Variants in PABPC4L observed in about 807,000 individuals in gnomAD.
PABPC4L encodes the protein poly(A) binding protein cytoplasmic 4 like.
For synonymous variants in PABPC4L, 169 were observed against 164.1 expected, an observed-to-expected ratio of 1.03 and a Z score of -0.23; for missense variants, 452 against 451.4, an observed-to-expected ratio of 1.00 and a Z score of -0.01.
the PABPC4L span, among the ~76,000 whole-genome samples, chr4:134,118,448 GAT>G: frequency 6.6e-6 from 1 of 151,740 alleles, no homozygotes; most frequent in African/African-American, 2.4e-5. Flanking sequence ...TTTTATAAAT[GAT>G]ATTTTATGAT....
At chr4:134,006,327 A>T in the PABPC4L span, among the ~76,000 whole-genome samples, 1 of 151,892 alleles carries the variant, frequency 6.6e-6, no homozygotes, top group Non-Finnish European at 1.5e-5. Flanking sequence ...AAACCCACTA[A>T]AAAGGGAACA....
chr4:134,021,932 C>A, the PABPC4L span, among the ~76,000 whole-genome samples: 1 of 152,098 alleles, frequency 6.6e-6, no homozygotes, highest in Admixed American at 6.6e-5. Flanking sequence ...ATAAGCTAGA[C>A]TTTCCTTGCC....
the PABPC4L span, among the ~76,000 whole-genome samples, chr4:133,991,195 G>A: frequency 6.6e-6 from 1 of 152,070 alleles, no homozygotes; most frequent in African/African-American, 2.4e-5. Context: ...CAGGAGCGGG[G>A]GTCTATCCAA....
At chr4:134,044,417 C>T in the PABPC4L span, among the ~76,000 whole-genome samples, 1 of 152,162 alleles carries the variant, frequency 6.6e-6, no homozygotes, top group East Asian at 1.9e-4. Flanking sequence ...GCATCCGCCA[C>T]CACGCCTGGC....
At chr4:133,971,418 C>A in the PABPC4L span, among the ~76,000 whole-genome samples, 1 of 152,010 alleles carries the variant, frequency 6.6e-6, no homozygotes, top group Non-Finnish European at 1.5e-5. Context: ...GCCTTAAATT[C>A]TTTAATATTA....
At chr4:134,067,654 G>C in the PABPC4L span, among the ~76,000 whole-genome samples, 1 of 152,014 alleles carries the variant, frequency 6.6e-6, no homozygotes, top group Non-Finnish European at 1.5e-5. Context: ...ACTTTTTGAT[G>C]TGTGCATTAA....
the PABPC4L span, among the ~76,000 whole-genome samples, chr4:134,122,650 G>A: frequency 2.6e-5 from 4 of 151,694 alleles, no homozygotes; most frequent in Admixed American, 2.0e-4. Flanking sequence ...AAACAAACTT[G>A]ATAGCATTAG....
At chr4:134,165,066 C>G in the PABPC4L span, among the ~76,000 whole-genome samples, 1 of 152,090 alleles carries the variant, frequency 6.6e-6, no homozygotes, top group Admixed American at 6.6e-5. Context: ...GCCAGGAAAA[C>G]TGGGTAGCAG....
chr4:134,014,860 A>G, the PABPC4L span, among the ~76,000 whole-genome samples: 1 of 150,666 alleles, frequency 6.6e-6, no homozygotes, highest in African/African-American at 2.4e-5. Context: ...AAACTCCCCA[A>G]CTCTGGTGCC....
At chr4:134,078,651 C>CTT in the PABPC4L span, among the ~76,000 whole-genome samples, 3 of 115,898 alleles carry the variant, frequency 2.6e-5, no homozygotes, top group Admixed American at 8.9e-5. Flanking sequence ...AGTTTTGTAG[C>CTT]TTTTTTTTTT....
the PABPC4L span, among the ~76,000 whole-genome samples, chr4:134,009,769 T>C: frequency 6.6e-6 from 1 of 152,066 alleles, no homozygotes; most frequent in Admixed American, 6.6e-5. Context: ...CAAAAAATCC[T>C]GAATCTTTGC....
At chr4:134,116,074 A>G in the PABPC4L span, among the ~76,000 whole-genome samples, 1 of 151,856 alleles carries the variant, frequency 6.6e-6, no homozygotes, top group Admixed American at 6.6e-5. Flanking sequence ...CTGCTCATAT[A>G]GAGAGGGTCC....
the PABPC4L span, among the ~76,000 whole-genome samples, chr4:134,078,652 T>A: frequency 2.0e-3 from 12 of 5,934 alleles, no homozygotes; most frequent in African/African-American, 0.027. Context: ...GTTTTGTAGC[T>A]TTTTTTTTTT....
chr4:134,201,214 C>G lies in PABPC4L; in HGVS notation c.-195G>C, dbSNP rs1397677056. ...CTCATCCAAAAGTCCCCACAGCCACCAATCTGGCCCTCCTAGGACGCGGCA... is the reference window on the plus strand; with the variant it reads ...CTCATCCAAAAGTCCCCACAGCCACGAATCTGGCCCTCCTAGGACGCGGCA... On this transcript the variant is annotated 5_prime_UTR_variant, in exon 2 of 2. Coordinates refer to ENST00000421491, the MANE Select transcript of PABPC4L (RefSeq NM_001114734.2). 6.5e-7 allele frequency: 1 copy of G among 1,543,708 alleles called. No individual in the cohort carries two copies.
At chr4:134,153,024 G>T in the PABPC4L span, among the ~76,000 whole-genome samples, 1,931 of 152,222 alleles carry the variant, frequency 0.013, 41 homozygotes, top group African/African-American at 0.041. Flanking sequence ...TCTCACACTA[G>T]AAAGGTTAAT....
chr4:134,084,202 C>A, the PABPC4L span, among the ~76,000 whole-genome samples: 5 of 152,020 alleles, frequency 3.3e-5, no homozygotes, highest in African/African-American at 1.2e-4. Context: ...GCTCACAGCA[C>A]CATGCCTAGC....
chr4:134,076,967 T>C, the PABPC4L span, among the ~76,000 whole-genome samples: 3 of 152,188 alleles, frequency 2.0e-5, no homozygotes, highest in East Asian at 1.9e-4. Flanking sequence ...ATTTCTGTGC[T>C]ACTATTGCTC....
At chr4:134,081,619 C>T in the PABPC4L span, among the ~76,000 whole-genome samples, 1 of 152,024 alleles carries the variant, frequency 6.6e-6, no homozygotes, top group African/African-American at 2.4e-5. Context: ...TGGGTTCAAA[C>T]CTGCTGTGAA....
chr4:134,148,135 A>G, the PABPC4L span, among the ~76,000 whole-genome samples: 104 of 152,240 alleles, frequency 6.8e-4, no homozygotes, highest in African/African-American at 2.4e-3. Context: ...ACAAGTCCTC[A>G]GACACAGAAA....
Sources: gnomAD v4.1 joint callset for allele counts (sites outside exome capture counted in the v4.1 genomes callset) on GRCh38, gnomAD v4.1.1 for gene constraint, MANE v1.5 for transcripts, NCBI Gene and HGNC (gene_info 2026-07-23, HGNC 2026-07-21) for gene names.